PPARA: variants seen among roughly 807,000 people sequenced by gnomAD.
PPARA encodes the protein peroxisome proliferator-activated receptor alpha.
A neutral mutation model predicts 42.2 loss-of-function variants in PPARA; 22 were observed. The ratio of observed to expected loss-of-function variants is 0.52; its 90% confidence interval spans 0.37 to 0.74. PPARA has a LOEUF of 0.74. Ranked by LOEUF, PPARA falls within the 30% of genes least tolerant of loss-of-function variation. The pLI, the probability that PPARA is intolerant of heterozygous loss-of-function variation, is 0.00. For synonymous variants in PPARA, 242 were observed against 239.3 expected, an observed-to-expected ratio of 1.01 and a Z score of -0.10; for missense variants, 465 against 608.2, an observed-to-expected ratio of 0.76 and a Z score of 2.48.
intron 3 of PPARA, among the ~76,000 whole-genome samples, chr22:46,194,444 A>G (rs915049224): frequency 6.6e-6 from 1 of 152,164 alleles, no homozygotes; most frequent in Non-Finnish European, 1.5e-5. Flanking sequence ...AGAGAATATT[A>G]GCAGGGATAA....
Position 46,205,502 on chromosome 22 carries a change from G to A in PPARA, c.208+6911G>A, listed in dbSNP as rs1288250731. 2.4e-5 allele frequency among the ~76,000 whole-genome samples: 3 copies of A among 124,672 alleles called. No individual in the cohort carries two copies. The East Asian group carries it at 6.9e-4, about 29-fold the overall frequency. The allele number at this position is 124,672 out of a possible 152,430, so 81.8% of individuals were successfully genotyped here. A position where few individuals can be genotyped will look rare whatever the true frequency, so the allele number is the denominator to read the frequency against. ...CCCAAAGTGTTGGGATTACAGGCGT[G>A]AGCCACCATGCCCAGCCATATATAT... On this transcript the variant is annotated intron_variant, in intron 4 of 8. Transcript: ENST00000407236.
chr22:46,192,384 G>A lies in PPARA; in HGVS notation c.-42-5958G>A, dbSNP rs1452985271. On this transcript the variant is annotated intron_variant, in intron 3 of 8. Coordinates refer to ENST00000407236, the MANE Select transcript of PPARA (RefSeq NM_005036.6). The surrounding 1 kb of genome is among the most constrained non-coding windows in gnomAD (Gnocchi z 4.3). The stretch of plus-strand genomic sequence containing the variant: ...AGCAGGTGATGCAGAAAATACCCTC[G>A]TGTTAGTTATGAATTACCGTTGGAA... 1.3e-5 allele frequency among the ~76,000 whole-genome samples: 2 copies of A among 152,172 alleles called. No individual in the cohort carries two copies. Among genetic ancestry groups the A allele is most frequent in the African/African-American group, 2.4e-5 (1 of 41,430 alleles).
In PPARA at chr22:46,232,025, G is replaced by A. The variant is rs755317696; in HGVS notation, c.945G>A (p.Glu315=). Residue 315 remains glutamate, a synonymous_variant, in exon 8 of 9, where the codon GAG becomes GAA. Coordinates refer to ENST00000407236, the MANE Select transcript of PPARA (RefSeq NM_005036.6). This position sits in a 1 kb window ranked among gnomAD's most constrained non-coding sequence, Gnocchi z 5.3. ...QVTLLKYGVY[E]AIFAMLSSVM... ...CATTGCTAAAATACGGAGTTTATGA[G>A]GCCATATTCGCCATGCTGTCTTCTG... The A allele has an allele frequency of 5.0e-6, 8 of 1,614,220 alleles. No homozygotes were observed. Among genetic ancestry groups the A allele is most frequent in the Non-Finnish European group, 5.9e-6 (7 of 1,180,042 alleles).
chr22:46,220,360 G>A (rs1237928735), intron 7 of PPARA: 1 of 353,258 alleles, frequency 2.8e-6, no homozygotes, highest in Non-Finnish European at 5.5e-6. Flanking sequence ...TGTTGCCCAG[G>A]CTGGAATGCA....
At chr22:46,177,003 G>A (rs1373202173) in intron 3 of PPARA, among the ~76,000 whole-genome samples, 167 bp downstream of exon 3, 1 of 152,244 alleles carries the variant, frequency 6.6e-6, no homozygotes, top group East Asian at 1.9e-4. Flanking sequence ...GAGGTTAGGA[G>A]ATTGAGACCA....
Position 46,225,552 on chromosome 22 carries a change from C to T in PPARA, c.711+5538C>T, listed in dbSNP as rs1935350358. ...ACATCCGTGCACACACGGGTACACA[C>T]ACATACACGTGCACCCACATGCATG... On this transcript the variant is annotated intron_variant, in intron 7 of 8. Coordinates refer to ENST00000407236, the MANE Select transcript of PPARA (RefSeq NM_005036.6). This position sits in a 1 kb window ranked among gnomAD's most constrained non-coding sequence, Gnocchi z 4.1. Among the ~76,000 whole-genome samples the T allele has an allele frequency of 6.6e-6, 1 of 152,036 alleles. No homozygotes were observed. Among genetic ancestry groups the T allele is most frequent in the African/African-American group, 2.4e-5 (1 of 41,370 alleles).
rs1196457006 is a variant in PPARA, at chr22:46,190,450, T to C, written c.-42-7892T>C. ...CGTTCGTAATTATTGTTCTGGAGGC[T>C]TTTGTATCACATATAAGTTCCAGGC... On this transcript the variant is annotated intron_variant, in intron 3 of 8. Coordinates refer to ENST00000407236, the MANE Select transcript of PPARA (RefSeq NM_005036.6). The surrounding 1 kb of genome is among the most constrained non-coding windows in gnomAD (Gnocchi z 5.6). Among the ~76,000 whole-genome samples the C allele has an allele frequency of 6.6e-6, 1 of 152,158 alleles. No homozygotes were observed. Among genetic ancestry groups the C allele is most frequent in the African/African-American group, 2.4e-5 (1 of 41,450 alleles).
chr22:46,198,304 A>T (rs1932560670), intron 3 of PPARA, 38 bp from the exon 4 acceptor site: 2 of 1,059,044 alleles, frequency 1.9e-6, no homozygotes, highest in Non-Finnish European at 1.5e-6. Context: ...GAACGTTGTT[A>T]TACGTCAGTC....
At position 46,219,048 on chromosome 22, in the gene PPARA, G is replaced by T; in HGVS notation, c.508+647G>T. ...ATGGTAGTGCACACCTGTAATCCCA[G>T]CTACTTGGGAGGATGAGACAGGAGA... On this transcript the variant is annotated intron_variant, in intron 6 of 8. Transcript: ENST00000407236. This position sits in a 1 kb window ranked among gnomAD's most constrained non-coding sequence, Gnocchi z 4.8. 6.7e-6 allele frequency among the ~76,000 whole-genome samples: 1 copy of T among 149,952 alleles called. No individual in the cohort carries two copies. Among genetic ancestry groups the T allele is most frequent in the Non-Finnish European group, 1.5e-5 (1 of 67,688 alleles).
At position 46,232,078 on chromosome 22, in the gene PPARA, C is replaced by G. The variant is rs370814026; in HGVS notation, c.998C>G (p.Ala333Gly). 6.2e-7 allele frequency: 1 copy of G among 1,614,000 alleles called. No homozygotes were observed. The highest frequency in any genetic ancestry group is 8.5e-7 in the Non-Finnish European group (1 of 1,180,036). ...ATGAACAAAGACGGGATGCTGGTAG[C>G]GTATGGAAATGGGTTTATAACTCGT... ...SVMNKDGMLV[A>G]YGNGFITREF... The change falls in exon 8 of 9, where the codon GCG becomes GGG. Residue 333 changes from alanine (A) to glycine (G), a missense_variant. Transcript: ENST00000407236. This position sits in a 1 kb window ranked among gnomAD's most constrained non-coding sequence, Gnocchi z 5.3.
rs1490481310 is a variant in PPARA, at chr22:46,179,602, T to C, written c.-43+2766T>C. Among the ~76,000 whole-genome samples the C allele has an allele frequency of 3.3e-5, 5 of 151,962 alleles. No homozygotes were observed. The South Asian group carries it at 6.2e-4, about 19-fold the overall frequency. On this transcript the variant is annotated intron_variant, in intron 3 of 8. Coordinates refer to ENST00000407236, the MANE Select transcript of PPARA (RefSeq NM_005036.6). ...GATCTGAAGGTAAAATTTAAAACTA[T>C]AAAACTTCTAGAAGAAAACACAGGA...
chr22:46,213,495 C>T (rs1934135977), intron 4 of PPARA, among the ~76,000 whole-genome samples: 1 of 151,540 alleles, frequency 6.6e-6, no homozygotes, highest in Non-Finnish European at 1.5e-5. Context: ...ACAACCTTTG[C>T]CTCCCGGGTC....
At chr22:46,201,484 G>A (rs897080850) in intron 4 of PPARA, among the ~76,000 whole-genome samples, 8 of 152,118 alleles carry the variant, frequency 5.3e-5, no homozygotes, top group Non-Finnish European at 5.9e-5. Context: ...AGAGCAGTGG[G>A]GAAGGGGACA....
intron 2 of PPARA, among the ~76,000 whole-genome samples, chr22:46,157,558 T>G (rs1483082508): frequency 6.6e-6 from 1 of 152,226 alleles, no homozygotes; most frequent in East Asian, 1.9e-4. Flanking sequence ...TAATCATCAC[T>G]AGATTTGGGG....
intron 4 of PPARA, among the ~76,000 whole-genome samples, chr22:46,201,516 G>A (rs894252350): frequency 6.6e-6 from 1 of 152,176 alleles, no homozygotes; most frequent in African/African-American, 2.4e-5. Flanking sequence ...GGAGAGCAAG[G>A]AAAAGGCTCC....
chr22:46,176,859 C>T (rs1446165134), intron 3 of PPARA, 23 bp downstream of exon 3: 3 of 152,236 alleles, frequency 2.0e-5, no homozygotes, highest in African/African-American at 4.8e-5. Context: ...TTAGGAGCAT[C>T]GTGTCTTCCT....
intron 2 of PPARA, among the ~76,000 whole-genome samples, chr22:46,152,897 C>G (rs1924661679): frequency 6.6e-6 from 1 of 152,096 alleles, no homozygotes; most frequent in Admixed American, 6.5e-5. Context: ...CCAGCCTGGC[C>G]AACATGGTGA....
chr22:46,212,922 G>A lies in PPARA; in HGVS notation c.209-2251G>A, dbSNP rs1200631833. Reference sequence around the variant, plus strand: ...GAGGCAGGAGAATCACTTGAACCTGGAGGCAGAGGTTGCAGTGAGCTGAGA... The same window carrying A: ...GAGGCAGGAGAATCACTTGAACCTGAAGGCAGAGGTTGCAGTGAGCTGAGA... On this transcript the variant is annotated intron_variant, in intron 4 of 8. Transcript: ENST00000407236. This position sits in a 1 kb window ranked among gnomAD's most constrained non-coding sequence, Gnocchi z 4.2. 3.3e-5 allele frequency among the ~76,000 whole-genome samples: 5 copies of A among 152,130 alleles called. No homozygotes were observed. The highest frequency in any genetic ancestry group is 2.9e-5 in the Non-Finnish European group (2 of 68,028).
At position 46,162,811 on chromosome 22, in the gene PPARA, T is replaced by C. The variant is rs1926408654; in HGVS notation, c.-127+10841T>C. On this transcript the variant is annotated intron_variant, in intron 2 of 8. Transcript: ENST00000407236. This position sits in a 1 kb window ranked among gnomAD's most constrained non-coding sequence, Gnocchi z 6.0. ...CTCCCCCAAACTAGAGGCAGGAGTT[T>C]TGTCCTTCAGATAACCTATGGCATT... Among the ~76,000 whole-genome samples, 1 of 152,238 alleles carries C rather than the reference T, an allele frequency of 6.6e-6. No individual in the cohort carries two copies. Among genetic ancestry groups the C allele is most frequent in the Non-Finnish European group, 1.5e-5 (1 of 68,034 alleles).
Sources: allele counts gnomAD v4.1 joint callset (sites outside exome capture counted in the v4.1 genomes callset), GRCh38; gene constraint gnomAD v4.1.1; non-coding constraint Gnocchi (gnomAD v3.1); transcripts MANE v1.5; gene names NCBI Gene and HGNC (gene_info 2026-07-23, HGNC 2026-07-21).